The following CHAF1B variants were observed in gnomAD, a reference collection of about 807,000 sequenced individuals.
The protein encoded by CHAF1B is CAF-1 subunit B.
CHAF1B carries 10 observed loss-of-function variants against 60.7 expected under a neutral mutation model. The observed-to-expected ratio is 0.16, with a 90% CI of 0.10 to 0.28. The LOEUF (loss-of-function observed/expected upper bound fraction) is 0.28, where lower values mean the gene tolerates loss of function less well. Among genes scored for constraint, CHAF1B ranks in the 10% least tolerant of loss-of-function variants. The pLI is 1.00. For synonymous variants in CHAF1B, 261 were observed against 266.1 expected, an observed-to-expected ratio of 0.98 and a Z score of 0.19; for missense variants, 558 against 708.4, an observed-to-expected ratio of 0.79 and a Z score of 2.41.
intron 9 of CHAF1B, 76 bp from the exon 10 acceptor site, chr21:36,409,298 G>A: frequency 8.1e-7 from 1 of 1,230,232 alleles, no homozygotes; most frequent in Non-Finnish European, 1.2e-6. Flanking sequence ...ACCGCGCCCT[G>A]CCAAAATGTT....
chr21:36,415,907 C>T (rs967430890), intron 13 of CHAF1B: 1 of 324,684 alleles, frequency 3.1e-6, no homozygotes, highest in Admixed American at 4.5e-5. Context: ...CGTGCGCCAT[C>T]ACACCCGGGT....
chr21:36,405,335 T>A (rs954356996), intron 8 of CHAF1B, among the ~76,000 whole-genome samples: 3 of 152,142 alleles, frequency 2.0e-5, no homozygotes, highest in African/African-American at 4.8e-5. Context: ...CTATCTTTCG[T>A]CTATATTGGC....
intron 4 of CHAF1B, among the ~76,000 whole-genome samples, chr21:36,393,690 G>T (rs895559186): frequency 6.6e-6 from 1 of 151,992 alleles, no homozygotes; most frequent in African/African-American, 2.4e-5. Context: ...CCAACCTCAG[G>T]TGATCCGCCC....
At chr21:36,403,441 A>G (rs1355082335) in intron 8 of CHAF1B, among the ~76,000 whole-genome samples, 1 of 133,694 alleles carries the variant, frequency 7.5e-6, no homozygotes, top group African/African-American at 2.8e-5. Flanking sequence ...TGGGCGACAG[A>G]GTGATATCTT....
rs55920360 is a variant in CHAF1B at position 36,391,907 on chromosome 21, ATTTTTTT to A, written c.377+263_377+269del. Among the ~76,000 whole-genome samples, 236 of 67,050 alleles carry A rather than the reference ATTTTTTT, an allele frequency of 3.5e-3. 1 individual carries two copies. Among genetic ancestry groups the A allele is most frequent in the African/African-American group, 0.018 (220 of 12,540 alleles). 44.0% of individuals were successfully genotyped at this position (67,050 alleles called of 152,430 possible). A position where few individuals can be genotyped will look rare whatever the true frequency, so the allele number is the denominator to read the frequency against. On this transcript the variant is annotated intron_variant, in intron 4 of 13. Coordinates refer to ENST00000314103, the MANE Select transcript of CHAF1B (RefSeq NM_005441.3). ...GCTACCATGCCCTGCTGATTTTTAAATTTTTTTTTTTTTTTTTTTTTTTTTTTTTTAG... is the reference window on the plus strand; with the variant it reads ...GCTACCATGCCCTGCTGATTTTTAAATTTTTTTTTTTTTTTTTTTTTTTAG...
chr21:36,405,469 C>T (rs1055689199), intron 8 of CHAF1B, among the ~76,000 whole-genome samples: 3 of 152,080 alleles, frequency 2.0e-5, no homozygotes, highest in African/African-American at 7.2e-5. Context: ...CTCTGTCACC[C>T]AGGCTGGAGT....
intron 8 of CHAF1B, among the ~76,000 whole-genome samples, chr21:36,405,942 T>C (rs192515946): frequency 1.5e-4 from 22 of 151,192 alleles, no homozygotes; most frequent in African/African-American, 4.7e-4. Context: ...TGCTGAAGAA[T>C]AGCCAAAGAA....
intron 7 of CHAF1B, among the ~76,000 whole-genome samples, chr21:36,401,249 A>G (rs1325390465): frequency 6.7e-6 from 1 of 150,264 alleles, no homozygotes; most frequent in Non-Finnish European, 1.5e-5. Context: ...CCTGGGCAAC[A>G]AGAGCGAAAC....
chr21:36,397,365 C>A, intron 5 of CHAF1B, 50 bp from the exon 6 acceptor site: 2 of 931,894 alleles, frequency 2.1e-6, no homozygotes, highest in South Asian at 1.7e-5. Context: ...TGGGCTCAAA[C>A]AGGTTTTGGT....
At chr21:36,406,723 T>A (rs2086240775) in intron 8 of CHAF1B, among the ~76,000 whole-genome samples, 1 of 152,216 alleles carries the variant, frequency 6.6e-6, no homozygotes, top group African/African-American at 2.4e-5. Context: ...ATTTCTGTGG[T>A]TTGAACGCTT....
chr21:36,391,579 T>C lies in CHAF1B; in HGVS notation c.288T>C (p.Asn96=). Residue 96 remains asparagine, a synonymous_variant, in exon 4 of 14, where the codon AAT becomes AAC. Transcript: ENST00000314103. ...CTGTCATCCTATTGTGGAAGGTGAA[T>C]GATAACAAGGAGCCGGAGCAGATCG... ...DDAVILLWKV[N]DNKEPEQIAF... The C allele has an allele frequency of 6.2e-7, 1 of 1,612,692 alleles. No homozygotes were observed. The highest frequency in any genetic ancestry group is 8.5e-7 in the Non-Finnish European group (1 of 1,179,178).
chr21:36,391,796 T>C, intron 4 of CHAF1B, 128 bp downstream of exon 4: 2 of 594,810 alleles, frequency 3.4e-6, no homozygotes, highest in Admixed American at 5.3e-5. Context: ...TGGAGTGCTG[T>C]ACTGTGATCA....
intron 13 of CHAF1B, chr21:36,415,763 T>C (rs1357555566): frequency 2.0e-5 from 8 of 409,212 alleles, no homozygotes; most frequent in East Asian, 7.2e-5. Flanking sequence ...TTTTTTTTTC[T>C]TTTTTTTGAG....
chr21:36,389,794 T>TGCGCGCGCGCGC (rs1271634709), intron 3 of CHAF1B, among the ~76,000 whole-genome samples: 3 of 124,426 alleles, frequency 2.4e-5, no homozygotes, highest in African/African-American at 1.2e-4. Flanking sequence ...TGTGTGTGTG[T>TGCGCGCGCGCGC]GTGTGTGCGC....
chr21:36,390,306 C>A (rs1280572081), intron 3 of CHAF1B, among the ~76,000 whole-genome samples: 1 of 140,178 alleles, frequency 7.1e-6, no homozygotes, highest in South Asian at 2.4e-4. Flanking sequence ...GCACTCCAGC[C>A]TGGGCAATAA....
chr21:36,387,819 GC>G, intron 3 of CHAF1B, 89 bp downstream of exon 3: 3 of 1,303,680 alleles, frequency 2.3e-6, no homozygotes, highest in Non-Finnish European at 3.2e-6. Context: ...AGCTGGATAT[GC>G]TTTTTTTTTT....
intron 4 of CHAF1B, among the ~76,000 whole-genome samples, chr21:36,394,176 A>G (rs1416418004): frequency 6.6e-6 from 1 of 151,172 alleles, no homozygotes; most frequent in Non-Finnish European, 1.5e-5. Context: ...TCCCAGGTTC[A>G]AGTGATTCCC....
rs1555912058 is a variant in CHAF1B, at chr21:36,391,926, T to TTA, written c.377+259_377+260insAT. Among the ~76,000 whole-genome samples the TTA allele has an allele frequency of 7.5e-3, 1,067 of 141,384 alleles. 20 individuals carry two copies. Among genetic ancestry groups the TTA allele is most frequent in the African/African-American group, 0.028 (1,034 of 37,114 alleles). The allele number at this position is 141,384 out of a possible 152,430, so 92.8% of individuals were successfully genotyped here. A position where few individuals can be genotyped will look rare whatever the true frequency, so the allele number is the denominator to read the frequency against. ...TTTTAAATTTTTTTTTTTTTTTTTT[T>TTA]TTTTTTTTTTTAGTATTTATTGATC... On this transcript the variant is annotated intron_variant, in intron 4 of 13. Transcript: ENST00000314103.
At chr21:36,391,442 C>A (rs145410160) in intron 3 of CHAF1B, 109 bp from the exon 4 acceptor site, 3 of 589,312 alleles carry the variant, frequency 5.1e-6, no homozygotes, top group Non-Finnish European at 2.8e-6. Context: ...CCAGCCTGGG[C>A]GACAGGGTGA....
Sources: gnomAD v4.1 joint callset for allele counts (sites outside exome capture counted in the v4.1 genomes callset) on GRCh38, gnomAD v4.1.1 for gene constraint, MANE v1.5 for transcripts, NCBI Gene and HGNC (gene_info 2026-07-23, HGNC 2026-07-21) for gene names.